The following PI4KA variants were observed in gnomAD, a reference collection of about 807,000 sequenced individuals.
PI4KA encodes PI4-kinase alpha.
Under a neutral mutation model 271.4 loss-of-function variants are expected in PI4KA, and 122 were observed. The observed-to-expected ratio is 0.45, with a 90% confidence interval of 0.39 to 0.52. The LOEUF (loss-of-function observed/expected upper bound fraction) is 0.52, where lower values mean the gene tolerates loss of function less well. Ranked by LOEUF, PI4KA falls within the 20% of genes least tolerant of loss-of-function variation. The probability of loss-of-function intolerance (pLI) is 0.00; values close to 1 mark genes in which losing one functional copy is unlikely to be tolerated. For missense variants in PI4KA, 1,969 were observed against 2,769.1 expected (o/e 0.71, Z 6.48); for synonymous variants, 1,041 against 1,078.8 (o/e 0.96, Z 0.69).
intron 50 of PI4KA, 134 bp from the exon 51 acceptor site, chr22:20,711,595 A>G: frequency 1.0e-6 from 1 of 981,266 alleles, no homozygotes; most frequent in Non-Finnish European, 1.5e-6. Flanking sequence ...CAGAGCCCGA[A>G]TCAGCAAGCC....
At chr22:20,718,849 TC>T in intron 43 of PI4KA, 27 bp from the exon 44 acceptor site, 1 of 1,611,254 alleles carries the variant, frequency 6.2e-7, no homozygotes, top group Non-Finnish European at 8.5e-7. Flanking sequence ...GAGGCTTAAG[TC>T]TCTGTGGCTG....
rs1927489646 is a variant in PI4KA, at chr22:20,727,400, G to A, written c.4774-3C>T. On this transcript the variant is annotated splice_polypyrimidine_tract_variant and splice_region_variant and intron_variant, in intron 40 of 54. Transcript: ENST00000255882. ...ATGGTGTGCCAGGTGACCAGGAACT[G>A]CAGAGAAGGTGGGGAGATGCTGTGG... 6.3e-7 allele frequency: 1 copy of A among 1,598,506 alleles called. No individual in the cohort carries two copies. Among genetic ancestry groups the A allele is most frequent in the African/African-American group, 1.3e-5 (1 of 74,464 alleles).
intron 19 of PI4KA, among the ~76,000 whole-genome samples, chr22:20,781,326 G>A (rs915900526): frequency 9.2e-5 from 14 of 152,294 alleles, no homozygotes; most frequent in African/African-American, 3.1e-4. Context: ...GGAATGGTTC[G>A]GCTTCAGGAC....
intron 3 of PI4KA, among the ~76,000 whole-genome samples, chr22:20,833,651 GTTTTTGT>G (rs1449133414): frequency 2.1e-5 from 2 of 95,598 alleles, no homozygotes; most frequent in Non-Finnish European, 4.0e-5. Flanking sequence ...GTTTTGGTTT[GTTTTTGT>G]TTTTTTTTTT....
At chr22:20,828,425 C>A (rs1356005064) in intron 3 of PI4KA, among the ~76,000 whole-genome samples, 1 of 152,082 alleles carries the variant, frequency 6.6e-6, no homozygotes, top group South Asian at 2.1e-4. Flanking sequence ...GCATCTTTGT[C>A]TTGTTCTGGT....
intron 19 of PI4KA, chr22:20,779,813 AGGTC>A: frequency 6.2e-7 from 1 of 1,614,210 alleles, no homozygotes; most frequent in Non-Finnish European, 8.5e-7. Flanking sequence ...TGATTTCCTT[AGGTC>A]TGAAGGGAGA....
intron 3 of PI4KA, among the ~76,000 whole-genome samples, chr22:20,832,756 G>A (rs756269688): frequency 6.6e-6 from 1 of 152,020 alleles, no homozygotes; most frequent in Admixed American, 6.6e-5. Context: ...TGCCCGGCCG[G>A]TTTTTTCTTA....
intron 1 of PI4KA, 79 bp downstream of exon 1, chr22:20,858,491 C>G (rs1927938294): frequency 9.2e-7 from 1 of 1,091,476 alleles, no homozygotes; most frequent in Non-Finnish European, 1.2e-6. Context: ...CGGCCTCCCA[C>G]AGACCCTCGT....
rs372013711 is a variant in PI4KA at position 20,714,524 on chromosome 22, C to A, written c.5395G>T (p.Ala1799Ser). The part of the protein sequence containing the change: ...YKSGTPMQSA[A>S]KAPYLAKFKV... ...AACTTGGCCAGATATGGGGCTTTTG[C>A]AGCACTGAAAACAACAAAAAGAATG... Residue 1799 changes from alanine (A) to serine (S), a missense_variant, in exon 47 of 55, where the codon GCA becomes TCA. Physicochemically the swap from Ala to Ser is moderately conservative, Grantham distance 99 (BLOSUM62 1). Around this residue, in one of 13 missense-constraint regions of PI4KA, gnomAD observed 388 missense variants for 521.5 expected, o/e 0.74. Transcript: ENST00000255882. 61 of 1,613,654 alleles carry A rather than the reference C, an allele frequency of 3.8e-5. No homozygotes were observed. The highest frequency in any genetic ancestry group is 5.0e-5 in the Non-Finnish European group (59 of 1,179,744).
chr22:20,763,096 C>G (rs965111602), intron 22 of PI4KA, among the ~76,000 whole-genome samples: 2 of 151,698 alleles, frequency 1.3e-5, no homozygotes, highest in African/African-American at 4.8e-5. Context: ...ATCCTCCCAC[C>G]CCTCAAAATG....
At chr22:20,818,250 T>C (rs1482607320) in intron 7 of PI4KA, among the ~76,000 whole-genome samples, 2 of 152,226 alleles carry the variant, frequency 1.3e-5, no homozygotes, top group Non-Finnish European at 2.9e-5. Flanking sequence ...CTTTTCTCTC[T>C]AAATAAAATA....
At chr22:20,712,443 G>C in intron 50 of PI4KA, 43 bp downstream of exon 50, 1 of 1,600,980 alleles carries the variant, frequency 6.2e-7, no homozygotes, top group African/African-American at 1.3e-5. Context: ...GGGGTGGGGT[G>C]GAGCACACAC....
chr22:20,818,785 A>T (rs1922184393), intron 6 of PI4KA, among the ~76,000 whole-genome samples: 2 of 152,192 alleles, frequency 1.3e-5, no homozygotes, highest in African/African-American at 2.4e-5. Context: ...AATTGTCCTC[A>T]GTGTTTTGTG....
chr22:20,790,939 G>A (rs1934604059), intron 19 of PI4KA, among the ~76,000 whole-genome samples: 1 of 152,058 alleles, frequency 6.6e-6, no homozygotes, highest in Non-Finnish European at 1.5e-5. Context: ...CACATCAGGG[G>A]AGTATTTAAA....
intron 25 of PI4KA, among the ~76,000 whole-genome samples, chr22:20,752,262 G>C (rs9612888): frequency 6.6e-6 from 1 of 152,292 alleles, no homozygotes; most frequent in South Asian, 2.1e-4. Context: ...TGCTGGACTC[G>C]TTCTCGTGAC....
intron 19 of PI4KA, among the ~76,000 whole-genome samples, chr22:20,792,455 A>G (rs1934704871): frequency 6.6e-6 from 1 of 152,136 alleles, no homozygotes; most frequent in Non-Finnish European, 1.5e-5. Flanking sequence ...AGTGCTCAAG[A>G]CTCAAACTAC....
chr22:20,825,062 G>A (rs1234507938), intron 3 of PI4KA, among the ~76,000 whole-genome samples: 5 of 3,836 alleles, frequency 1.3e-3, no homozygotes, highest in Admixed American at 0.01. Context: ...AGAATGAGAC[G>A]CCATCTCAAA....
chr22:20,776,685 C>T (rs1488171341), intron 19 of PI4KA, among the ~76,000 whole-genome samples: 1 of 152,136 alleles, frequency 6.6e-6, no homozygotes, highest in Admixed American at 6.5e-5. Context: ...AGAGGCTTAA[C>T]CAACTTGGTT....
At chr22:20,806,884 C>T (rs1041253818) in intron 10 of PI4KA, among the ~76,000 whole-genome samples, 40 of 151,978 alleles carry the variant, frequency 2.6e-4, no homozygotes, top group African/African-American at 9.4e-4. Context: ...GTGCATGCCA[C>T]TGCGCCTGGC....
Sources: allele counts gnomAD v4.1 joint callset (sites outside exome capture counted in the v4.1 genomes callset), GRCh38; gene constraint gnomAD v4.1.1; regional missense constraint gnomAD v4.1.1; transcripts MANE v1.5; gene names NCBI Gene and HGNC (gene_info 2026-07-23, HGNC 2026-07-21).